The following LRRC37A2 variants were observed in gnomAD, a reference collection of about 807,000 sequenced individuals.
The protein encoded by LRRC37A2 is leucine rich repeat containing 37 member A2, also known as leucine-rich repeat-containing protein 37A2.
Under a neutral mutation model 68.8 loss-of-function variants are expected in LRRC37A2, and 9 were observed. That is an observed-to-expected ratio of 0.13 (90% CI 0.08 to 0.23). The LOEUF (loss-of-function observed/expected upper bound fraction) is 0.23, where lower values mean the gene tolerates loss of function less well. LRRC37A2 is among the 10% of genes least tolerant of loss of function. LRRC37A2 has a pLI of 1.00. For synonymous variants in LRRC37A2, 63 were observed against 367.6 expected, an observed-to-expected ratio of 0.17 and a Z score of 9.48; for missense variants, 168 against 950.4, an observed-to-expected ratio of 0.18 and a Z score of 10.82.
the LRRC37A2 span, among the ~76,000 whole-genome samples, chr17:46,976,583 C>T: frequency 4.5e-3 from 688 of 152,112 alleles, 10 homozygotes; most frequent in African/African-American, 0.016. Context: ...ACAAATTTAA[C>T]TCTTGACTCG....
chr17:46,834,958 T>G, the LRRC37A2 span, among the ~76,000 whole-genome samples: 1 of 152,086 alleles, frequency 6.6e-6, no homozygotes, highest in Non-Finnish European at 1.5e-5. Context: ...CTCCCTAGAT[T>G]GGCCCTCAGT....
At chr17:46,933,303 T>C in the LRRC37A2 span, 1 of 152,240 alleles carries the variant, frequency 6.6e-6, no homozygotes, top group South Asian at 2.1e-4. Context: ...GGAGCTATAA[T>C]ACATTTTTCT....
At chr17:46,948,812 C>G in the LRRC37A2 span, 3 of 152,242 alleles carry the variant, frequency 2.0e-5, no homozygotes, top group African/African-American at 7.2e-5. Flanking sequence ...CAAGGCTGGG[C>G]TTGGGACTGC....
At chr17:47,043,210 G>A in the LRRC37A2 span, among the ~76,000 whole-genome samples, 2 of 151,730 alleles carry the variant, frequency 1.3e-5, no homozygotes, top group South Asian at 2.1e-4. Context: ...AAAGAAAATC[G>A]ATTCCAGCAT....
chr17:46,841,291 G>A, the LRRC37A2 span, among the ~76,000 whole-genome samples: 1 of 152,324 alleles, frequency 6.6e-6, no homozygotes, highest in South Asian at 2.1e-4. Context: ...CTTGCCCACG[G>A]TCACCCAGCT....
At chr17:46,823,975 G>A in the LRRC37A2 span, among the ~76,000 whole-genome samples, 1 of 152,176 alleles carries the variant, frequency 6.6e-6, no homozygotes, top group Non-Finnish European at 1.5e-5. Context: ...TTCTTCTCTT[G>A]AGGCAAGGAG....
the LRRC37A2 span, among the ~76,000 whole-genome samples, chr17:46,850,519 G>A: frequency 6.6e-6 from 1 of 152,180 alleles, no homozygotes; most frequent in African/African-American, 2.4e-5. Context: ...GTCACTTGAT[G>A]TTCCCTATGC....
the LRRC37A2 span, among the ~76,000 whole-genome samples, chr17:46,821,409 C>T: frequency 6.6e-5 from 10 of 152,204 alleles, no homozygotes; most frequent in African/African-American, 1.4e-4. Flanking sequence ...TGCGCTGCCG[C>T]GGGTGGAAAC....
At chr17:46,873,324 A>G in the LRRC37A2 span, among the ~76,000 whole-genome samples, 1 of 149,844 alleles carries the variant, frequency 6.7e-6, no homozygotes, top group East Asian at 2.0e-4. Flanking sequence ...CTAAGCATCC[A>G]TGGAGGCCCA....
At chr17:46,871,626 A>T in the LRRC37A2 span, among the ~76,000 whole-genome samples, 1 of 152,282 alleles carries the variant, frequency 6.6e-6, no homozygotes, top group Non-Finnish European at 1.5e-5. Flanking sequence ...CAACCCTAGG[A>T]GGTAGAGAAG....
At chr17:47,019,826 C>T in the LRRC37A2 span, 2 of 1,299,996 alleles carry the variant, frequency 1.5e-6, no homozygotes, top group East Asian at 2.3e-5. Flanking sequence ...CCTCAATTGC[C>T]CTCTGTGTCC....
At chr17:46,748,971 C>T in the LRRC37A2 span, among the ~76,000 whole-genome samples, 2 of 151,800 alleles carry the variant, frequency 1.3e-5, no homozygotes, top group African/African-American at 2.4e-5. Context: ...ATAACTGTAT[C>T]GGAAGGATGT....
the LRRC37A2 span, among the ~76,000 whole-genome samples, chr17:46,736,301 C>T: frequency 1.1e-4 from 16 of 152,218 alleles, no homozygotes; most frequent in East Asian, 5.8e-4. Flanking sequence ...GGGACTGGCC[C>T]ACCTGCTTCC....
At chr17:46,831,854 T>C in the LRRC37A2 span, among the ~76,000 whole-genome samples, 1 of 152,362 alleles carries the variant, frequency 6.6e-6, no homozygotes, top group South Asian at 2.1e-4. Flanking sequence ...CTTTGGGTCC[T>C]GTATGCATTG....
chr17:47,006,842 G>A, the LRRC37A2 span, among the ~76,000 whole-genome samples: 1 of 152,246 alleles, frequency 6.6e-6, no homozygotes, highest in Non-Finnish European at 1.5e-5. Flanking sequence ...GCTGTGGGCA[G>A]AAAAGGACTT....
At chr17:46,851,715 G>T in the LRRC37A2 span, 1 of 1,299,676 alleles carries the variant, frequency 7.7e-7, no homozygotes, top group Non-Finnish European at 9.7e-7. The surrounding 1 kb of genome is among the most constrained non-coding windows in gnomAD (Gnocchi z 4.3). Flanking sequence ...TCCTACTTCG[G>T]GTCAGTGCCC....
At chr17:46,773,640 TCC>T in the LRRC37A2 span, 4 of 324,776 alleles carry the variant, frequency 1.2e-5, no homozygotes, top group East Asian at 1.0e-4. Flanking sequence ...ACCCAGCCCC[TCC>T]CCCCCCCTCA....
At chr17:46,815,185 A>G in the LRRC37A2 span, among the ~76,000 whole-genome samples, 2 of 151,608 alleles carry the variant, frequency 1.3e-5, no homozygotes, top group Admixed American at 1.3e-4. Context: ...AGCGCCCCCA[A>G]GAAGAAGAAG....
the LRRC37A2 span, among the ~76,000 whole-genome samples, chr17:47,020,588 G>A: frequency 6.7e-6 from 1 of 150,334 alleles, no homozygotes; most frequent in Non-Finnish European, 1.5e-5. Context: ...GACCATCCTG[G>A]CTAACATGGT....
Sources: gnomAD v4.1 joint callset for allele counts (sites outside exome capture counted in the v4.1 genomes callset) on GRCh38, gnomAD v4.1.1 for gene constraint, Gnocchi (gnomAD v3.1) non-coding constraint, MANE v1.5 for transcripts, NCBI Gene and HGNC (gene_info 2026-07-23, HGNC 2026-07-21) for gene names.